The following PRSS12 variants were observed in gnomAD, a reference collection of about 807,000 sequenced individuals.
PRSS12 encodes the protein neurotrypsin.
A neutral mutation model predicts 104.4 loss-of-function variants in PRSS12; 85 were observed. The observed-to-expected ratio is 0.81, with a 90% CI of 0.68 to 0.98. The LOEUF (loss-of-function observed/expected upper bound fraction) is 0.98. Ranked by LOEUF, PRSS12 falls within the 50% of genes least tolerant of loss-of-function variation. The pLI, the probability that PRSS12 is intolerant of heterozygous loss-of-function variation, is 0.00. For missense variants in PRSS12, 1,141 were observed against 1,139.2 expected, an observed-to-expected ratio of 1.00 and a Z score of -0.02; for synonymous variants, 454 against 425.2, an observed-to-expected ratio of 1.07 and a Z score of -0.83.
intron 1 of PRSS12, 43 bp downstream of exon 1, chr4:118,352,176 C>G: frequency 6.2e-7 from 1 of 1,607,096 alleles, no homozygotes; most frequent in Non-Finnish European, 8.5e-7. Context: ...TCACTGGCTC[C>G]GAGCCCGTCC....
chr4:118,287,896 A>C (rs1743047428), intron 11 of PRSS12, among the ~76,000 whole-genome samples: 1 of 151,944 alleles, frequency 6.6e-6, no homozygotes, highest in Non-Finnish European at 1.5e-5. Flanking sequence ...AATGCCTTCA[A>C]CTCCCCCTCA....
chr4:118,282,020 A>G lies in PRSS12; in HGVS notation c.2544T>C (p.Tyr848=), dbSNP rs577137531. Residue 848 remains tyrosine (Y), a synonymous_variant, in exon 13 of 13, where the codon TAT becomes TAC. Coordinates refer to ENST00000296498, the MANE Select transcript of PRSS12 (RefSeq NM_003619.4). ...CAGGAGAATCCTTGACTCCACAGCC[A>G]TACCCCCAGGAGGTCACCCCATACA... ...WVVYGVTSWG[Y]GCGVKDSPGV... is the part of the protein sequence containing the mutation. 6 of 1,611,282 alleles carry G rather than the reference A, an allele frequency of 3.7e-6. No individual in the cohort carries two copies. Among genetic ancestry groups the G allele is most frequent in the Non-Finnish European group, 5.1e-6 (6 of 1,177,404 alleles).
chr4:118,289,871 G>A (rs982789293), intron 11 of PRSS12, among the ~76,000 whole-genome samples: 10 of 152,134 alleles, frequency 6.6e-5, no homozygotes, highest in African/African-American at 2.4e-4. Flanking sequence ...TCAAAATGCT[G>A]CATATCATAA....
chr4:118,336,811 T>G (rs187402202), intron 2 of PRSS12, among the ~76,000 whole-genome samples: 1 of 152,300 alleles, frequency 6.6e-6, no homozygotes, highest in African/African-American at 2.4e-5. Context: ...GACATTGACA[T>G]CAGCCTACAA....
chr4:118,293,661 G>A (rs1012224537), intron 11 of PRSS12, among the ~76,000 whole-genome samples: 1 of 152,158 alleles, frequency 6.6e-6, no homozygotes, highest in Non-Finnish European at 1.5e-5. Context: ...GAAGACATTG[G>A]TCAGGGAAAT....
intron 4 of PRSS12, among the ~76,000 whole-genome samples, chr4:118,320,270 C>T (rs1160320188): frequency 1.3e-5 from 2 of 151,744 alleles, no homozygotes; most frequent in African/African-American, 2.4e-5. Context: ...GAATTTACAA[C>T]AAAAATATAT....
intron 4 of PRSS12, among the ~76,000 whole-genome samples, chr4:118,320,351 G>C (rs185925795): frequency 6.6e-6 from 1 of 152,002 alleles, no homozygotes; most frequent in Non-Finnish European, 1.5e-5. Context: ...CCAATTTTGC[G>C]GCTAAAAAGG....
intron 1 of PRSS12, among the ~76,000 whole-genome samples, chr4:118,347,435 G>C (rs1350268699): frequency 6.6e-6 from 1 of 152,158 alleles, no homozygotes; most frequent in Non-Finnish European, 1.5e-5. Flanking sequence ...GAACAGAGGA[G>C]CATGACAAGA....
intron 8 of PRSS12, among the ~76,000 whole-genome samples, chr4:118,299,827 T>TAAAAA (rs370204580): frequency 8.2e-6 from 1 of 122,166 alleles, no homozygotes; most frequent in Non-Finnish European, 1.8e-5. Flanking sequence ...TAAAATAAAA[T>TAAAAA]AAAATAAAAT....
chr4:118,326,887 G>A lies in PRSS12; in HGVS notation c.971+4829C>T, dbSNP rs1422743510. ...TTGTTGTAAAGTTTATACCAGGGGT[G>A]TCCAATCTTTTGGCTTCCCTGGGCC... On this transcript the variant is annotated intron_variant, in intron 4 of 12. Coordinates refer to ENST00000296498, the MANE Select transcript of PRSS12 (RefSeq NM_003619.4). Among the ~76,000 whole-genome samples the A allele has an allele frequency of 3.3e-5, 5 of 152,122 alleles. No homozygotes were observed. The South Asian group carries it at 6.2e-4, about 19-fold the overall frequency.
chr4:118,332,009 A>G lies in PRSS12; in HGVS notation c.821-143T>C, dbSNP rs925414057. On this transcript the variant is annotated intron_variant, in intron 3 of 12. Transcript: ENST00000296498. ...ACCAGTGATATGGACATACGTATAT[A>G]TATCTAATATATTATGGTAATCTTG... 7 of 975,410 alleles carry G rather than the reference A, an allele frequency of 7.2e-6. No individual in the cohort carries two copies. The South Asian group carries it at 1.2e-4, about 17-fold the overall frequency. 60.4% of individuals were successfully genotyped at this position (975,410 alleles called of 1,614,324 possible).
chr4:118,282,254 C>G lies in PRSS12; in HGVS notation c.2321-11G>C. On this transcript the variant is annotated splice_polypyrimidine_tract_variant and intron_variant, in intron 12 of 12. Transcript: ENST00000296498. Reference sequence around the variant, plus strand: ...TTGAATAGGCTCGTCCTACTCAGACCAAACATCTGATTAGTGGCATTCCAG... The same window carrying G: ...TTGAATAGGCTCGTCCTACTCAGACGAAACATCTGATTAGTGGCATTCCAG... The G allele has an allele frequency of 6.2e-7, 1 of 1,613,984 alleles. No homozygotes were observed. Among genetic ancestry groups the G allele is most frequent in the Non-Finnish European group, 8.5e-7 (1 of 1,179,966 alleles).
At chr4:118,309,268 A>G (rs1743642357) in intron 7 of PRSS12, among the ~76,000 whole-genome samples, 1 of 152,248 alleles carries the variant, frequency 6.6e-6, no homozygotes, top group South Asian at 2.1e-4. Flanking sequence ...GTAAAGTGTC[A>G]CATATCACCA....
chr4:118,345,830 T>G (rs1375080883), intron 1 of PRSS12, among the ~76,000 whole-genome samples: 1 of 152,200 alleles, frequency 6.6e-6, no homozygotes, highest in African/African-American at 2.4e-5. Flanking sequence ...TAAGGACAAG[T>G]CCCAACCATA....
At chr4:118,295,960 C>G (rs1165895572) in intron 9 of PRSS12, 104 bp from the exon 10 acceptor site, 2 of 982,702 alleles carry the variant, frequency 2.0e-6, no homozygotes, top group Non-Finnish European at 3.2e-6. Context: ...TGTCAAAATC[C>G]CTTTTCTCTG....
chr4:118,326,046 A>G (rs1723761304), intron 4 of PRSS12, among the ~76,000 whole-genome samples: 1 of 152,202 alleles, frequency 6.6e-6, no homozygotes, highest in South Asian at 2.1e-4. Flanking sequence ...ATACACAGAA[A>G]AAGGCCAAAT....
chr4:118,346,612 C>T (rs1724362575), intron 1 of PRSS12, among the ~76,000 whole-genome samples: 1 of 152,042 alleles, frequency 6.6e-6, no homozygotes, highest in Non-Finnish European at 1.5e-5. Flanking sequence ...TATCTTATCA[C>T]AGGGGGCCCC....
intron 10 of PRSS12, among the ~76,000 whole-genome samples, chr4:118,295,262 A>C (rs1743229282): frequency 6.6e-6 from 1 of 152,180 alleles, no homozygotes; most frequent in Admixed American, 6.5e-5. Context: ...CAGCAACTCT[A>C]AAGATTTGCT....
Position 118,308,563 on chromosome 4 carries a change from G to A in PRSS12, c.1504C>T (p.Leu502=). The change falls in exon 8 of 13, where the codon CTG becomes TTG. Residue 502 remains leucine (L), a synonymous_variant. Transcript: ENST00000296498. ...HRLSLGFPVR[L]MDGENKKEGR... ...TCTTTCTTATTTTCTCCATCCATCA[G>A]TCTGACAGGAAAACCTAAGTCATGA... The A allele has an allele frequency of 6.2e-7, 1 of 1,612,448 alleles. No homozygotes were observed. The highest frequency in any genetic ancestry group is 8.5e-7 in the Non-Finnish European group (1 of 1,179,100).
Sources: allele counts gnomAD v4.1 joint callset (sites outside exome capture counted in the v4.1 genomes callset), GRCh38; gene constraint gnomAD v4.1.1; transcripts MANE v1.5; gene names NCBI Gene and HGNC (gene_info 2026-07-23, HGNC 2026-07-21).